Variants in HIVEP3 observed in about 807,000 individuals in gnomAD.
The protein encoded by HIVEP3 is transcription factor HIVEP3.
A neutral mutation model predicts 152.8 loss-of-function variants in HIVEP3; 49 were observed. The ratio of observed to expected loss-of-function variants is 0.32; its 90% CI spans 0.26 to 0.41. The LOEUF (loss-of-function observed/expected upper bound fraction) is 0.41. Among genes scored for constraint, HIVEP3 ranks in the 10% least tolerant of loss-of-function variants. The probability of loss-of-function intolerance (pLI) is 1.00; values close to 1 mark genes in which losing one functional copy is unlikely to be tolerated. For missense variants in HIVEP3, 2,790 were observed against 3,103.3 expected (o/e 0.90, Z 2.40); for synonymous variants, 1,269 against 1,289.0 (o/e 0.98, Z 0.33).
intron 1 of HIVEP3, among the ~76,000 whole-genome samples, chr1:41,981,481 T>C (rs1645293339): frequency 6.6e-6 from 1 of 151,260 alleles, no homozygotes; most frequent in African/African-American, 2.4e-5. Flanking sequence ...CCTCCCCACC[T>C]CTGCTGAGCT....
chr1:41,694,417 G>T (rs971143322), intron 2 of HIVEP3, among the ~76,000 whole-genome samples: 6 of 152,108 alleles, frequency 3.9e-5, no homozygotes, highest in African/African-American at 1.4e-4. Context: ...TACCACACCT[G>T]GCAGGTTGTC....
chr1:41,652,111 G>A (rs1645560162), intron 2 of HIVEP3, among the ~76,000 whole-genome samples: 1 of 152,146 alleles, frequency 6.6e-6, no homozygotes, highest in East Asian at 1.9e-4. Flanking sequence ...CCAAGGAAAG[G>A]GAGGCTCAGA....
intron 1 of HIVEP3, among the ~76,000 whole-genome samples, chr1:41,898,749 C>G (rs1644573861): frequency 6.6e-6 from 1 of 152,240 alleles, no homozygotes; most frequent in Non-Finnish European, 1.5e-5. Context: ...GGAAGAGAGA[C>G]AAATGGAGCT....
At chr1:41,768,622 G>A (rs559470304) in intron 1 of HIVEP3, among the ~76,000 whole-genome samples, 1 of 152,328 alleles carries the variant, frequency 6.6e-6, no homozygotes, top group East Asian at 1.9e-4. Flanking sequence ...AGCTTCCCTT[G>A]TTGGGGTGTG....
At chr1:41,526,521 C>A in intron 5 of HIVEP3, among the ~76,000 whole-genome samples, 1 of 117,354 alleles carries the variant, frequency 8.5e-6, no homozygotes, top group Non-Finnish European at 1.8e-5. Flanking sequence ...TCACACTTGC[C>A]CTCACACATG....
intron 1 of HIVEP3, among the ~76,000 whole-genome samples, chr1:41,736,030 C>T (rs1421530972): frequency 6.6e-6 from 1 of 152,160 alleles, no homozygotes; most frequent in Non-Finnish European, 1.5e-5. Flanking sequence ...AGGGGAGACA[C>T]CACCTCTGAA....
chr1:41,591,392 C>T (rs1370423752), intron 3 of HIVEP3, among the ~76,000 whole-genome samples: 1 of 152,072 alleles, frequency 6.6e-6, no homozygotes, highest in Non-Finnish European at 1.5e-5. Context: ...AGAGCCTTGG[C>T]CTGCATGCTG....
intron 1 of HIVEP3, among the ~76,000 whole-genome samples, chr1:41,974,332 T>G (rs1246692202): frequency 6.6e-6 from 1 of 152,086 alleles, no homozygotes; most frequent in Non-Finnish European, 1.5e-5. Context: ...CTAGGAGCAG[T>G]TGGTTCTCTT....
At chr1:41,969,027 G>A (rs953733544) in intron 1 of HIVEP3, among the ~76,000 whole-genome samples, 4 of 152,152 alleles carry the variant, frequency 2.6e-5, no homozygotes, top group African/African-American at 7.2e-5. Context: ...TCTTCAAGGA[G>A]AACTACAAAC....
At chr1:41,517,563 CCT>C (rs895434396) in intron 7 of HIVEP3, among the ~76,000 whole-genome samples, 1 of 146,422 alleles carries the variant, frequency 6.8e-6, no homozygotes, top group Non-Finnish European at 1.5e-5. Context: ...CATACACACT[CCT>C]CTCTGTCACA....
chr1:41,674,032 G>C (rs1346905484), intron 2 of HIVEP3, among the ~76,000 whole-genome samples: 1 of 152,238 alleles, frequency 6.6e-6, no homozygotes, highest in Non-Finnish European at 1.5e-5. Flanking sequence ...TCTGACACCA[G>C]GGCGGGGCAT....
At chr1:41,702,865 C>A (rs1178438644) in intron 1 of HIVEP3, among the ~76,000 whole-genome samples, 1 of 152,216 alleles carries the variant, frequency 6.6e-6, no homozygotes, top group Non-Finnish European at 1.5e-5. Context: ...TGAAAAACCC[C>A]AACAGATGTC....
In HIVEP3 at chr1:42,032,890, C is replaced by A. The variant is rs187327538; in HGVS notation, n.119+2917G>T. 2.1e-3 allele frequency among the ~76,000 whole-genome samples: 316 copies of A among 152,298 alleles called. 1 individual carries two copies. The highest frequency in any genetic ancestry group is 7.3e-3 in the African/African-American group (302 of 41,548). On this transcript the variant is annotated intron_variant and non_coding_transcript_variant, in intron 1 of 3. Transcript: ENST00000489103. The stretch of plus-strand genomic sequence containing the variant: ...AGCTTTCACTCTGACAATTGATAGT[C>A]TTTCAAGAGCACAAGCTAGAACAGC...
intron 1 of HIVEP3, among the ~76,000 whole-genome samples, chr1:42,018,019 C>G (rs1014789337): frequency 1.3e-5 from 2 of 152,050 alleles, no homozygotes; most frequent in Admixed American, 1.3e-4. Context: ...ATTTCTCTGA[C>G]AATGAATGCA....
intron 7 of HIVEP3, 86 bp downstream of exon 7, chr1:41,518,316 A>G (rs1642665396): frequency 8.9e-7 from 1 of 1,125,684 alleles, no homozygotes; most frequent in African/African-American, 1.5e-5. Flanking sequence ...GACAGAAAGG[A>G]AGCAGGGAAG....
intron 5 of HIVEP3, among the ~76,000 whole-genome samples, chr1:41,562,544 T>C (rs1423154247): frequency 7.2e-6 from 1 of 138,884 alleles, no homozygotes; most frequent in African/African-American, 2.6e-5. Context: ...CTTCCTTCCT[T>C]CCTTCCTTCC....
intron 6 of HIVEP3, 61 bp from the exon 7 acceptor site, chr1:41,518,549 G>A (rs1642673660): frequency 6.9e-7 from 1 of 1,454,006 alleles, no homozygotes; most frequent in Admixed American, 1.7e-5. Flanking sequence ...GCGGACCCAG[G>A]GCTCATGGAG....
At chr1:41,883,769 C>T (rs1398159466) in intron 1 of HIVEP3, among the ~76,000 whole-genome samples, 1 of 152,158 alleles carries the variant, frequency 6.6e-6, no homozygotes, top group African/African-American at 2.4e-5. Flanking sequence ...TTGCTGCCAG[C>T]TTCTCCCTGC....
At chr1:41,956,569 T>C (rs1001392677) in intron 1 of HIVEP3, among the ~76,000 whole-genome samples, 7 of 152,214 alleles carry the variant, frequency 4.6e-5, no homozygotes, top group Admixed American at 2.6e-4. Context: ...ATGGTCTAAG[T>C]ATTAGGATTT....
Sources: allele counts gnomAD v4.1 joint callset (sites outside exome capture counted in the v4.1 genomes callset), GRCh38; gene constraint gnomAD v4.1.1; transcripts MANE v1.5; gene names NCBI Gene and HGNC (gene_info 2026-07-23, HGNC 2026-07-21).